TOMM70: variants seen among roughly 807,000 people sequenced by gnomAD.
The protein encoded by TOMM70 is mitochondrial import receptor subunit TOM70.
Under a neutral mutation model 73.6 loss-of-function variants are expected in TOMM70, and 13 were observed. The observed-to-expected ratio is 0.18, with a 90% CI of 0.11 to 0.28. The LOEUF (loss-of-function observed/expected upper bound fraction) is 0.28. Among genes scored for constraint, TOMM70 ranks in the 10% least tolerant of loss-of-function variants. The probability of loss-of-function intolerance (pLI) is 1.00; values close to 1 mark genes in which losing one functional copy is unlikely to be tolerated. For missense variants in TOMM70, 609 were observed against 747.5 expected (o/e 0.81, Z 2.16); for synonymous variants, 257 against 271.2 (o/e 0.95, Z 0.51).
At chr3:100,384,854 T>G (rs1301077764) in intron 3 of TOMM70, among the ~76,000 whole-genome samples, 1 of 152,226 alleles carries the variant, frequency 6.6e-6, no homozygotes, top group Non-Finnish European at 1.5e-5. Flanking sequence ...TTCTGATGTT[T>G]CTCACCACTC....
rs376927631 is a variant in TOMM70 at position 100,381,583 on chromosome 3, C to T, written c.884+32G>A. ...GGAAAGTTCAAAGCACCCAAAACAC[C>T]ACTAAGTAGACACTATGCTTGACAT... On this transcript the variant is annotated intron_variant, in intron 5 of 11. Transcript: ENST00000284320. The T allele has an allele frequency of 9.5e-5, 152 of 1,598,390 alleles. No individual in the cohort carries two copies. The African/African-American group carries it at 1.8e-3, about 19-fold the overall frequency.
Position 100,375,170 on chromosome 3 carries a change from G to A in TOMM70, c.1093-18C>T. ...GCTCGAAGCTATATACCCCAAGTGA[G>A]GAAAGGTTCATCATTACTTTTTTTT... On this transcript the variant is annotated intron_variant, in intron 6 of 11. Transcript: ENST00000284320. 1 of 1,536,048 alleles carries A rather than the reference G, an allele frequency of 6.5e-7. No homozygotes were observed.
chr3:100,371,645 G>GA (rs1215156306), intron 9 of TOMM70, among the ~76,000 whole-genome samples: 2 of 150,392 alleles, frequency 1.3e-5, no homozygotes, highest in African/African-American at 4.9e-5. Flanking sequence ...ATTAAAAAGA[G>GA]AAAAAAAAAG....
At chr3:100,376,623 A>G (rs994508465) in intron 6 of TOMM70, among the ~76,000 whole-genome samples, 10 of 151,418 alleles carry the variant, frequency 6.6e-5, no homozygotes, top group African/African-American at 2.4e-4. Context: ...TTTTGGTGCC[A>G]TATCTAAGAA....
At chr3:100,385,121 C>T (rs774136410) in intron 3 of TOMM70, among the ~76,000 whole-genome samples, 4 of 152,224 alleles carry the variant, frequency 2.6e-5, no homozygotes, top group Admixed American at 2.0e-4. Context: ...AAACAATGGA[C>T]GTCTCGTCTC....
chr3:100,392,712 C>T (rs191545037), intron 1 of TOMM70, among the ~76,000 whole-genome samples: 41 of 152,050 alleles, frequency 2.7e-4, no homozygotes, highest in Admixed American at 7.2e-4. Flanking sequence ...GTTACTGTGC[C>T]CAGCCTGGAG....
chr3:100,366,517 C>T (rs1456195089), intron 11 of TOMM70, among the ~76,000 whole-genome samples: 4 of 152,142 alleles, frequency 2.6e-5, no homozygotes, highest in African/African-American at 4.8e-5. Context: ...AGAGGTACCA[C>T]TAGGGTGACT....
intron 1 of TOMM70, among the ~76,000 whole-genome samples, chr3:100,388,429 C>A (rs1393373891): frequency 6.6e-6 from 1 of 152,120 alleles, no homozygotes; most frequent in Non-Finnish European, 1.5e-5. Context: ...ATATGAGAGA[C>A]AAGTGGCCAG....
At chr3:100,384,638 G>A (rs773868832) in intron 3 of TOMM70, 50 bp from the exon 4 acceptor site, 14 of 1,327,934 alleles carry the variant, frequency 1.1e-5, no homozygotes, top group Non-Finnish European at 1.4e-5. Flanking sequence ...TTGCAAAGAT[G>A]GTCAGCAGCA....
intron 11 of TOMM70, 54 bp from the exon 12 acceptor site, chr3:100,365,771 A>G: frequency 1.3e-6 from 2 of 1,597,970 alleles, no homozygotes; most frequent in Non-Finnish European, 1.7e-6. Flanking sequence ...CACAATATTC[A>G]ATGAAGGTTG....
chr3:100,365,850 C>G (rs570166699), intron 11 of TOMM70, 133 bp from the exon 12 acceptor site: 2 of 1,010,148 alleles, frequency 2.0e-6, no homozygotes. Context: ...GTAAGTGATG[C>G]TACATGAAGT....
intron 1 of TOMM70, among the ~76,000 whole-genome samples, chr3:100,397,985 T>C (rs1706844404): frequency 9.0e-6 from 1 of 110,668 alleles, no homozygotes; most frequent in Non-Finnish European, 1.9e-5. Flanking sequence ...AAAGAGGAAT[T>C]AGGACATCTA....
At chr3:100,398,356 C>A (rs1400707381) in intron 1 of TOMM70, among the ~76,000 whole-genome samples, 1 of 144,266 alleles carries the variant, frequency 6.9e-6, no homozygotes, top group African/African-American at 2.6e-5. Flanking sequence ...TGCACTCCAG[C>A]CTGGGTGACA....
intron 3 of TOMM70, among the ~76,000 whole-genome samples, chr3:100,384,910 G>A (rs1207629119): frequency 6.6e-6 from 1 of 152,172 alleles, no homozygotes; most frequent in Non-Finnish European, 1.5e-5. Context: ...TAAACATAGT[G>A]TGGCTCTCTC....
chr3:100,399,842 C>T (rs1289905564), intron 1 of TOMM70, among the ~76,000 whole-genome samples: 1 of 150,290 alleles, frequency 6.7e-6, no homozygotes, highest in Non-Finnish European at 1.5e-5. Context: ...TCTTGTGCAG[C>T]AAGAGGGGAC....
At chr3:100,376,287 A>AATC (rs894027771) in intron 6 of TOMM70, among the ~76,000 whole-genome samples, 2 of 151,440 alleles carry the variant, frequency 1.3e-5, no homozygotes, top group Non-Finnish European at 2.9e-5. Flanking sequence ...ACAAGCTCCT[A>AATC]ATCAGATATA....
At chr3:100,400,183 AAC>A (rs1238777132) in intron 1 of TOMM70, among the ~76,000 whole-genome samples, 1 of 152,160 alleles carries the variant, frequency 6.6e-6, no homozygotes, top group Non-Finnish European at 1.5e-5. Flanking sequence ...CCCCAGCAAA[AAC>A]ACACTCCAAA....
intron 1 of TOMM70, among the ~76,000 whole-genome samples, chr3:100,389,461 C>A (rs891410322): frequency 6.6e-6 from 1 of 152,130 alleles, no homozygotes; most frequent in African/African-American, 2.4e-5. Context: ...AGTTTAGAGC[C>A]CTGCATTGAA....
At chr3:100,396,623 ATAT>A (rs1267567989) in intron 1 of TOMM70, among the ~76,000 whole-genome samples, 2 of 152,316 alleles carry the variant, frequency 1.3e-5, no homozygotes, top group East Asian at 3.9e-4. Context: ...ACTATGGATA[ATAT>A]GATCTTCTAA....
Sources: allele counts gnomAD v4.1 joint callset (sites outside exome capture counted in the v4.1 genomes callset), GRCh38; gene constraint gnomAD v4.1.1; transcripts MANE v1.5; gene names NCBI Gene and HGNC (gene_info 2026-07-23, HGNC 2026-07-21).